The following RARB variants were observed in gnomAD, a reference collection of about 807,000 sequenced individuals.
The protein encoded by RARB is retinoic acid receptor beta.
Under a neutral mutation model 51.9 loss-of-function variants are expected in RARB, and 17 were observed. The ratio of observed to expected loss-of-function variants is 0.33; its 90% CI spans 0.22 to 0.49. The LOEUF is 0.49. Among genes scored for constraint, RARB ranks in the 20% least tolerant of loss-of-function variants. The pLI, the probability that RARB is intolerant of heterozygous loss-of-function variation, is 0.99. For synonymous variants in RARB, 215 were observed against 195.4 expected (o/e 1.10, Z -0.84); for missense variants, 369 against 550.8 (o/e 0.67, Z 3.30).
At chr3:25,022,454 T>G (rs997780049) in intron 2 of RARB, among the ~76,000 whole-genome samples, 9 of 152,214 alleles carry the variant, frequency 5.9e-5, no homozygotes, top group African/African-American at 2.2e-4. Context: ...CCGATGCTGT[T>G]AATGGGCAAT....
chr3:25,010,221 C>G (rs1697364707), intron 2 of RARB, among the ~76,000 whole-genome samples: 1 of 152,010 alleles, frequency 6.6e-6, no homozygotes, highest in Non-Finnish European at 1.5e-5. Flanking sequence ...GATTTTGTAT[C>G]TTAAATGTCT....
intron 5 of RARB, among the ~76,000 whole-genome samples, chr3:25,406,810 A>G (rs943585977): frequency 1.1e-4 from 16 of 152,186 alleles, no homozygotes; most frequent in Non-Finnish European, 1.9e-4. Context: ...CACTACCATC[A>G]CACCAGGAGC....
intron 1 of RARB, among the ~76,000 whole-genome samples, chr3:24,848,907 T>C (rs1702518727): frequency 6.6e-6 from 1 of 152,200 alleles, no homozygotes; most frequent in Non-Finnish European, 1.5e-5. Flanking sequence ...ATTTATTTGA[T>C]GTTGATTATG....
At chr3:25,488,347 A>G (rs1312710227) in intron 2 of RARB, among the ~76,000 whole-genome samples, 1 of 152,234 alleles carries the variant, frequency 6.6e-6, no homozygotes, top group Non-Finnish European at 1.5e-5. Flanking sequence ...CATCTAAGGA[A>G]AATAATTCCC....
intron 2 of RARB, among the ~76,000 whole-genome samples, chr3:24,931,848 G>A (rs985947644): frequency 3.3e-5 from 5 of 152,084 alleles, no homozygotes; most frequent in Admixed American, 2.0e-4. Flanking sequence ...TGAGAGTTAG[G>A]TAGTTATTTG....
chr3:25,238,154 C>CA (rs975086904), intron 5 of RARB, among the ~76,000 whole-genome samples: 2 of 151,176 alleles, frequency 1.3e-5, no homozygotes. Context: ...TCCAGCGCCC[C>CA]CCCACACATC....
intron 5 of RARB, among the ~76,000 whole-genome samples, chr3:25,384,054 G>GA (rs1220341585): frequency 6.6e-6 from 1 of 152,014 alleles, no homozygotes; most frequent in South Asian, 2.1e-4. Flanking sequence ...TTTGGAAGAA[G>GA]AAAAAAACAG....
chr3:24,989,028 G>T (rs952341464), intron 2 of RARB, among the ~76,000 whole-genome samples: 2 of 151,900 alleles, frequency 1.3e-5, no homozygotes, highest in Non-Finnish European at 2.9e-5. Flanking sequence ...GTTTCACCAC[G>T]TTGGCCAGGC....
intron 2 of RARB, among the ~76,000 whole-genome samples, chr3:24,968,825 C>T (rs1255538479): frequency 6.6e-6 from 1 of 152,122 alleles, no homozygotes; most frequent in Non-Finnish European, 1.5e-5. Flanking sequence ...AGTGGGTAGA[C>T]TACCCAAAGA....
rs1491372969 is a variant in RARB, at chr3:25,456,682, T to TATATAG, written c.158-4510_158-4509insTATAGA. On this transcript the variant is annotated intron_variant, in intron 1 of 7. Coordinates refer to ENST00000330688, the MANE Select transcript of RARB (RefSeq NM_000965.5). ...TTGAATATATATATATATATATATA[T>TATATAG]AGAGAGAGAGAGAGAGAGAGAGAGA... Among the ~76,000 whole-genome samples the TATATAG allele has an allele frequency of 5.9e-3, 523 of 88,328 alleles. 2 individuals are homozygous for TATATAG. Among genetic ancestry groups the TATATAG allele is most frequent in the Middle Eastern group, 7.9e-3 (1 of 126 alleles). The allele number at this position is 88,328 out of a possible 152,430, so 57.9% of individuals were successfully genotyped here.
chr3:25,019,403 A>G (rs1394771139), intron 2 of RARB, among the ~76,000 whole-genome samples: 1 of 152,170 alleles, frequency 6.6e-6, no homozygotes, highest in Non-Finnish European at 1.5e-5. Context: ...TAAGCCATGC[A>G]ATTGCTAGTG....
chr3:25,221,603 A>T (rs1049081689), intron 5 of RARB, among the ~76,000 whole-genome samples: 1 of 152,038 alleles, frequency 6.6e-6, no homozygotes, highest in African/African-American at 2.4e-5. Flanking sequence ...CCCTAAAAGT[A>T]ATCTGTCATT....
intron 3 of RARB, 136 bp from the exon 4 acceptor site, chr3:25,569,622 A>T: frequency 9.6e-7 from 1 of 1,037,642 alleles, no homozygotes; most frequent in Non-Finnish European, 1.4e-6. Flanking sequence ...GAGGTGTGTT[A>T]TTACCACCTC....
intron 2 of RARB, among the ~76,000 whole-genome samples, chr3:24,908,663 GTTTTTTTTTTTTTTT>G (rs59008287): frequency 1.1e-5 from 1 of 93,462 alleles, no homozygotes; most frequent in Non-Finnish European, 2.0e-5. Flanking sequence ...AACCACAACT[GTTTTTTTTTTTTTTT>G]TTTTTTTTTT....
intron 5 of RARB, among the ~76,000 whole-genome samples, chr3:25,203,729 T>C (rs897208573): frequency 6.6e-6 from 1 of 152,228 alleles, no homozygotes. Context: ...GGATTGAAAA[T>C]TCTTTTCTTT....
chr3:25,156,632 GCA>G (rs985081560), intron 4 of RARB, among the ~76,000 whole-genome samples: 1 of 149,374 alleles, frequency 6.7e-6, no homozygotes, highest in African/African-American at 2.5e-5. Context: ...TTAAAAATGT[GCA>G]CAGAGTCTAA....
At chr3:25,151,033 T>C (rs1379356621) in intron 4 of RARB, among the ~76,000 whole-genome samples, 3 of 152,222 alleles carry the variant, frequency 2.0e-5, no homozygotes, top group Admixed American at 2.0e-4. Flanking sequence ...AGTGGCTCCA[T>C]GTATATACTC....
chr3:25,543,634 C>T (rs1019773323), intron 3 of RARB, among the ~76,000 whole-genome samples: 3 of 152,052 alleles, frequency 2.0e-5, no homozygotes, highest in East Asian at 1.9e-4. Context: ...AAGCAAGCAG[C>T]GCTGACCTAA....
At chr3:25,331,348 A>G (rs959292848) in intron 5 of RARB, among the ~76,000 whole-genome samples, 1 of 152,340 alleles carries the variant, frequency 6.6e-6, no homozygotes, top group Admixed American at 6.5e-5. Flanking sequence ...GTGCAATCAA[A>G]CTAGAACTCA....
Sources: gnomAD v4.1 joint callset for allele counts (sites outside exome capture counted in the v4.1 genomes callset) on GRCh38, gnomAD v4.1.1 for gene constraint, MANE v1.5 for transcripts, NCBI Gene and HGNC (gene_info 2026-07-23, HGNC 2026-07-21) for gene names.